The following PPP1R12B variants were observed in gnomAD, a reference collection of about 807,000 sequenced individuals.
PPP1R12B encodes the protein myosin phosphatase target subunit 2.
In PPP1R12B, 76 loss-of-function variants were observed where a neutral mutation model predicts 126.1. The ratio of observed to expected loss-of-function variants is 0.60; its 90% CI spans 0.50 to 0.73. The LOEUF (loss-of-function observed/expected upper bound fraction) is 0.73. PPP1R12B is among the 30% of genes least tolerant of loss of function. The pLI is 0.00. For missense variants in PPP1R12B, 1,052 were observed against 1,205.1 expected, an observed-to-expected ratio of 0.87 and a Z score of 1.88; for synonymous variants, 356 against 434.7, an observed-to-expected ratio of 0.82 and a Z score of 2.25.
chr1:202,571,485 C>G (rs1182932808), intron 23 of PPP1R12B, among the ~76,000 whole-genome samples: 1 of 152,090 alleles, frequency 6.6e-6, no homozygotes, highest in Non-Finnish European at 1.5e-5. Context: ...ACTCTGTAGC[C>G]CAAGCCTGAG....
intron 1 of PPP1R12B, among the ~76,000 whole-genome samples, chr1:202,395,971 G>A (rs1664924294): frequency 1.3e-5 from 2 of 152,168 alleles, no homozygotes; most frequent in South Asian, 2.1e-4. Flanking sequence ...CCAGTCGTAT[G>A]TCCCTGGCCA....
intron 18 of PPP1R12B, among the ~76,000 whole-genome samples, chr1:202,549,163 C>G (rs7532835): frequency 0.43 from 66,006 of 151,918 alleles, 15,691 homozygotes; most frequent in East Asian, 0.71. Flanking sequence ...TCAAGGCAGA[C>G]TAGCACTTTG....
At chr1:202,355,135 C>A (rs921800808) in intron 1 of PPP1R12B, among the ~76,000 whole-genome samples, 2 of 151,880 alleles carry the variant, frequency 1.3e-5, no homozygotes, top group Non-Finnish European at 2.9e-5. Context: ...GAACTCTTGA[C>A]CTCAGGTAAT....
At chr1:202,479,036 C>A (rs1407177302) in intron 13 of PPP1R12B, among the ~76,000 whole-genome samples, 1 of 152,162 alleles carries the variant, frequency 6.6e-6, no homozygotes, top group Admixed American at 6.5e-5. Context: ...TGCTGGTAAT[C>A]TAGACAGAAA....
In PPP1R12B at chr1:202,364,978, C is replaced by G. The variant is rs181727379; in HGVS notation, c.291+15836C>G. The stretch of plus-strand genomic sequence containing the variant: ...CCTTCCACCTCAGCCTCCCAAAGTG[C>G]TGGGATTGCAGGCATGAGCTACCGC... On this transcript the variant is annotated intron_variant, in intron 1 of 23. Coordinates refer to ENST00000608999, the MANE Select transcript of PPP1R12B (RefSeq NM_002481.4). 6.3e-3 allele frequency among the ~76,000 whole-genome samples: 956 copies of G among 152,292 alleles called. 2 individuals carry two copies. The highest frequency in any genetic ancestry group is 0.014 in the Middle Eastern group (4 of 294).
At chr1:202,430,694 A>G (rs1670078888) in intron 6 of PPP1R12B, 37 bp from the exon 7 acceptor site, 3 of 1,607,072 alleles carry the variant, frequency 1.9e-6, no homozygotes, top group Non-Finnish European at 2.6e-6. Flanking sequence ...CCAATAGTCA[A>G]CTTCTTCCCT....
At chr1:202,437,311 A>G (rs1670957403) in intron 9 of PPP1R12B, among the ~76,000 whole-genome samples, 1 of 151,318 alleles carries the variant, frequency 6.6e-6, no homozygotes, top group African/African-American at 2.5e-5. Context: ...AGCCTCGGTG[A>G]TAAGAGTGAG....
rs1303377501 is a variant in PPP1R12B at position 202,588,561 on chromosome 1, TTAACTTTG to T, written c.*8003_*8010del. 1 of 152,640 alleles carries T rather than the reference TTAACTTTG, an allele frequency of 6.6e-6. No homozygotes were observed. The highest frequency in any genetic ancestry group is 1.5e-5 in the Non-Finnish European group (1 of 68,038). 9.5% of individuals were successfully genotyped at this position (152,640 alleles called of 1,614,324 possible). A position where few individuals can be genotyped will look rare whatever the true frequency, so the allele number is the denominator to read the frequency against. On this transcript the variant is annotated 3_prime_UTR_variant, in exon 24 of 24. Transcript: ENST00000608999. The stretch of plus-strand genomic sequence containing the variant: ...ATAAATGAGTAAATAAAACTGTGTT[TTAACTTTG>T]TGACTGTCTCCACAGTTCAGAGCAT...
chr1:202,426,959 A>G (rs1190428612), intron 4 of PPP1R12B, 81 bp from the exon 5 acceptor site: 4 of 1,529,108 alleles, frequency 2.6e-6, no homozygotes, highest in Non-Finnish European at 3.5e-6. Flanking sequence ...AAAATCTGAA[A>G]TATCAATTAG....
intron 22 of PPP1R12B, among the ~76,000 whole-genome samples, 164 bp from the exon 23 acceptor site, chr1:202,568,983 A>C (rs559852461): frequency 1.3e-5 from 2 of 152,244 alleles, no homozygotes; most frequent in Admixed American, 1.3e-4. Flanking sequence ...TCCATCTTAC[A>C]AGTGGCAGGA....
At chr1:202,526,240 T>TTTCTGATTGC (rs2148927151) in intron 18 of PPP1R12B, among the ~76,000 whole-genome samples, 1 of 152,310 alleles carries the variant, frequency 6.6e-6, no homozygotes, top group South Asian at 2.1e-4. Flanking sequence ...TGGAAGTTCT[T>TTTCTGATTGC]TTCTGATTGC....
chr1:202,477,452 A>G (rs2148810700), intron 13 of PPP1R12B, among the ~76,000 whole-genome samples: 1 of 152,278 alleles, frequency 6.6e-6, no homozygotes, highest in East Asian at 1.9e-4. Flanking sequence ...GTACTTTATC[A>G]CTACACTATA....
intron 8 of PPP1R12B, among the ~76,000 whole-genome samples, 172 bp downstream of exon 8, chr1:202,431,791 A>G (rs112664726): frequency 1.2e-4 from 19 of 152,218 alleles, no homozygotes; most frequent in Non-Finnish European, 2.5e-4. Flanking sequence ...ACTGTGAGCT[A>G]TGTTAGACTA....
chr1:202,392,528 CTTTTTTTTTTT>C (rs933427638), intron 1 of PPP1R12B, among the ~76,000 whole-genome samples: 2 of 142,260 alleles, frequency 1.4e-5, no homozygotes, highest in African/African-American at 2.6e-5. Flanking sequence ...TTTTTTTTTT[CTTTTTTTTTTT>C]GAGACAGTGT....
intron 1 of PPP1R12B, among the ~76,000 whole-genome samples, chr1:202,386,433 A>T (rs947501081): frequency 1.3e-5 from 2 of 151,608 alleles, no homozygotes; most frequent in East Asian, 3.9e-4. Context: ...CTGGGTTCAC[A>T]CTATTCTCCT....
intron 13 of PPP1R12B, among the ~76,000 whole-genome samples, chr1:202,461,193 T>TAA (rs992206751): frequency 3.6e-5 from 5 of 137,458 alleles, no homozygotes; most frequent in African/African-American, 8.0e-5. Context: ...CCCATCTCTT[T>TAA]AAAAAAAAAA....
rs188013443 is a variant in PPP1R12B at position 202,365,342 on chromosome 1, T to C, written c.291+16200T>C. Among the ~76,000 whole-genome samples, 35 of 151,898 alleles carry C rather than the reference T, an allele frequency of 2.3e-4. No homozygotes were observed. The East Asian group carries it at 6.4e-3, about 28-fold the overall frequency. On this transcript the variant is annotated intron_variant, in intron 1 of 23. Transcript: ENST00000608999. ...CTGCAGTTGTGGCTACTCAGGAGGC[T>C]GAGGCAGGAAGATTGCTTGTGCCAG...
chr1:202,472,266 C>T (rs879317950), intron 13 of PPP1R12B: 2 of 449,732 alleles, frequency 4.4e-6, no homozygotes, highest in Non-Finnish European at 7.8e-6. Context: ...TTTATTTAAC[C>T]ATTCCCCTTA....
intron 18 of PPP1R12B, among the ~76,000 whole-genome samples, chr1:202,498,744 A>G (rs1288919459): frequency 1.3e-5 from 2 of 152,212 alleles, no homozygotes; most frequent in Non-Finnish European, 2.9e-5. Flanking sequence ...TTCAGGCAGT[A>G]CAGTTGACTC....
Sources: allele counts gnomAD v4.1 joint callset (sites outside exome capture counted in the v4.1 genomes callset), GRCh38; gene constraint gnomAD v4.1.1; transcripts MANE v1.5; gene names NCBI Gene and HGNC (gene_info 2026-07-23, HGNC 2026-07-21).